NOTCH2: variants seen among roughly 807,000 people sequenced by gnomAD.
The protein encoded by NOTCH2 is neurogenic locus notch homolog protein 2.
Under a neutral mutation model 235.8 loss-of-function variants are expected in NOTCH2, and 29 were observed. That is an observed-to-expected ratio of 0.12 (90% confidence interval 0.09 to 0.17). NOTCH2 has a LOEUF of 0.17. Among genes scored for constraint, NOTCH2 ranks in the 10% least tolerant of loss-of-function variants. The pLI, the probability that NOTCH2 is intolerant of heterozygous loss-of-function variation, is 1.00. For synonymous variants in NOTCH2, 1,086 were observed against 1,141.5 expected (o/e 0.95, Z 0.98); for missense variants, 2,285 against 3,150.2 (o/e 0.73, Z 6.57).
intron 21 of NOTCH2, among the ~76,000 whole-genome samples, chr1:119,935,924 C>T (rs1222919030): frequency 6.6e-6 from 1 of 152,200 alleles, no homozygotes; most frequent in Non-Finnish European, 1.5e-5. Context: ...CAGGTTTCCT[C>T]ATCTTTAAAA....
chr1:119,948,906 C>T (rs1650358276), intron 16 of NOTCH2, 101 bp downstream of exon 16: 8 of 1,416,798 alleles, frequency 5.6e-6, no homozygotes, highest in Non-Finnish European at 1.0e-6. Context: ...GATGGACAGG[C>T]CTCATAAGAC....
At chr1:119,953,999 A>AATGT (rs782784521) in intron 13 of NOTCH2, among the ~76,000 whole-genome samples, 23 of 152,212 alleles carry the variant, frequency 1.5e-4, no homozygotes, top group Admixed American at 2.6e-4. Flanking sequence ...AAATCTGCAC[A>AATGT]ATGTATGTTA....
intron 22 of NOTCH2, chr1:119,935,050 T>C (rs1553195559): frequency 7.4e-6 from 7 of 944,448 alleles, no homozygotes; most frequent in South Asian, 4.9e-5. Context: ...GATATTTTCA[T>C]TTCATTCATT....
At chr1:120,045,674 A>G (rs1654756605) in intron 1 of NOTCH2, among the ~76,000 whole-genome samples, 1 of 152,234 alleles carries the variant, frequency 6.6e-6, no homozygotes, top group Admixed American at 6.5e-5. Context: ...CCTAATTCAC[A>G]TATATCTTCT....
intron 4 of NOTCH2, 75 bp from the exon 5 acceptor site, chr1:119,987,157 T>G: frequency 1.3e-6 from 2 of 1,568,786 alleles, no homozygotes; most frequent in Non-Finnish European, 8.7e-7. Context: ...CCACAGAACA[T>G]GGTTATTAGA....
chr1:119,967,940 A>G (rs1651207911), intron 7 of NOTCH2, 137 bp downstream of exon 7: 1 of 959,388 alleles, frequency 1.0e-6, no homozygotes. Flanking sequence ...GGTCACTTGT[A>G]AACACTGGCC....
At chr1:119,918,316 G>C in intron 32 of NOTCH2, 90 bp downstream of exon 32, 1 of 1,400,394 alleles carries the variant, frequency 7.1e-7, no homozygotes, top group East Asian at 2.3e-5. Flanking sequence ...TTGGATCTCA[G>C]GCAGTTCTCT....
In NOTCH2 at chr1:119,929,117, G is replaced by A. The variant is rs782797192; in HGVS notation, c.3751C>T (p.Arg1251Cys). 3.1e-6 allele frequency: 5 copies of A among 1,614,178 alleles called. No homozygotes were observed. Among genetic ancestry groups the A allele is most frequent in the Admixed American group, 1.7e-5 (1 of 60,016 alleles). The change falls in exon 23 of 34, where the codon CGC becomes TGC. Residue 1251 changes from arginine (R) to cysteine (C), a missense_variant. By Grantham distance (180) the Arg-to-Cys change is radical. Around this residue, in one of 6 missense-constraint regions of NOTCH2, gnomAD observed 1,173 missense variants for 1,515.3 expected, o/e 0.77. Coordinates refer to ENST00000256646, the MANE Select transcript of NOTCH2 (RefSeq NM_024408.4). Reference protein sequence around the residue: ...CMDRIGGYSCRCLPGFAGERC... With the variant: ...CMDRIGGYSCCCLPGFAGERC... Reference sequence around the variant, plus strand: ...TCCCCAGCAAAGCCAGGCAAGCAGCGACAACTGTAGCCTCCAATCCTATCC... The same window carrying A: ...TCCCCAGCAAAGCCAGGCAAGCAGCAACAACTGTAGCCTCCAATCCTATCC...
intron 14 of NOTCH2, 116 bp downstream of exon 14, chr1:119,953,427 T>C (rs1650561348): frequency 1.8e-6 from 2 of 1,124,834 alleles, no homozygotes; most frequent in Admixed American, 1.7e-5. Flanking sequence ...AATTGCTCAA[T>C]ATGTTTGTTA....
intron 1 of NOTCH2, among the ~76,000 whole-genome samples, chr1:120,066,177 A>T (rs1404629943): frequency 1.3e-5 from 2 of 152,322 alleles, no homozygotes; most frequent in South Asian, 2.1e-4. Context: ...AGCAATTTTT[A>T]AATTCCTTGA....
At chr1:119,953,729 G>A (rs201805451) in intron 13 of NOTCH2, 41 bp from the exon 14 acceptor site, 12 of 1,553,472 alleles carry the variant, frequency 7.7e-6, no homozygotes, top group South Asian at 1.1e-5. Context: ...AGGTATAAAC[G>A]TATGATTGAG....
chr1:119,937,231 T>C (rs781910298), intron 21 of NOTCH2, 51 bp downstream of exon 21: 5 of 1,567,834 alleles, frequency 3.2e-6, no homozygotes, highest in Non-Finnish European at 4.4e-6. Context: ...GCTCAAACAG[T>C]TGTACAATCT....
rs1310325408 is a variant in NOTCH2, at chr1:119,920,112, T to C, written c.5479+117A>G. On this transcript the variant is annotated intron_variant, in intron 30 of 33. Coordinates refer to ENST00000256646, the MANE Select transcript of NOTCH2 (RefSeq NM_024408.4). ...TAAGCATTCATTTCCTCGAGCTGAT[T>C]TAGAGTCTGTGAAATTGGGAAGGGG... 8.1e-6 allele frequency: 9 copies of C among 1,116,842 alleles called. No individual in the cohort carries two copies. In the East Asian group the frequency reaches 2.0e-4, roughly 24 times the overall value. 69.2% of individuals were successfully genotyped at this position (1,116,842 alleles called of 1,614,324 possible).
chr1:119,954,334 T>C (rs1321236247), intron 13 of NOTCH2, among the ~76,000 whole-genome samples: 1 of 152,228 alleles, frequency 6.6e-6, no homozygotes. Context: ...TAAGGGTGCC[T>C]TGAAGGCTGC....
At chr1:119,988,001 T>G (rs782535753) in intron 4 of NOTCH2, among the ~76,000 whole-genome samples, 10 of 152,198 alleles carry the variant, frequency 6.6e-5, no homozygotes, top group Non-Finnish European at 7.4e-5. Context: ...AATAGAAGAC[T>G]ACCAGCTTCT....
chr1:120,040,952 A>T (rs1654522044), intron 1 of NOTCH2, among the ~76,000 whole-genome samples: 1 of 146,008 alleles, frequency 6.8e-6, no homozygotes, highest in South Asian at 2.3e-4. Flanking sequence ...GAGGCAGGAG[A>T]ATGGAATGAA....
intron 16 of NOTCH2, among the ~76,000 whole-genome samples, chr1:119,948,780 A>C (rs1353269021): frequency 6.6e-5 from 10 of 152,136 alleles, no homozygotes; most frequent in African/African-American, 2.2e-4. Context: ...ATGGCTTGTG[A>C]GGCTTAGGTT....
chr1:119,919,635 T>C, intron 30 of NOTCH2, 22 bp from the exon 31 acceptor site: 2 of 1,611,312 alleles, frequency 1.2e-6, no homozygotes, highest in Non-Finnish European at 1.7e-6. Context: ...GAAAATTCCA[T>C]AAAGTACTCA....
At chr1:119,988,457 T>G (rs1180247050) in intron 4 of NOTCH2, among the ~76,000 whole-genome samples, 1 of 152,178 alleles carries the variant, frequency 6.6e-6, no homozygotes. Flanking sequence ...AAAAAGACTA[T>G]GAAAATTTAC....
Sources: allele counts gnomAD v4.1 joint callset (sites outside exome capture counted in the v4.1 genomes callset), GRCh38; gene constraint gnomAD v4.1.1; regional missense constraint gnomAD v4.1.1; transcripts MANE v1.5; gene names NCBI Gene and HGNC (gene_info 2026-07-23, HGNC 2026-07-21).